ZNF66: variants seen among roughly 807,000 people sequenced by gnomAD.
The protein encoded by ZNF66 is zinc finger protein 66, also known as putative zinc finger protein 66.
A neutral mutation model predicts 35.2 loss-of-function variants in ZNF66; 32 were observed. That is an observed-to-expected ratio of 0.91 (90% CI 0.69 to 1.22). ZNF66 has a LOEUF of 1.22. Among genes scored for constraint, ZNF66 ranks in the 50% most tolerant of loss-of-function variants. The pLI is 0.00. For synonymous variants in ZNF66, 231 were observed against 181.3 expected, an observed-to-expected ratio of 1.27 and a Z score of -2.20; for missense variants, 666 against 543.1, an observed-to-expected ratio of 1.23 and a Z score of -2.25.
chr19:20,786,194 T>C lies in ZNF66; in HGVS notation c.4-6318T>C, dbSNP rs368406198. ...CCCTCTCAGGCTTCCAGTCAACTTA[T>C]ACTTGTGCAGCAAAGTGCACGCTGT... On this transcript the variant is annotated intron_variant, in intron 1 of 3. Transcript: ENST00000344519. Among the ~76,000 whole-genome samples, 14 of 151,752 alleles carry C rather than the reference T, an allele frequency of 9.2e-5. 1 individual carries two copies. The East Asian group carries it at 2.3e-3, about 25-fold the overall frequency.
At chr19:20,778,288 G>T (rs923856663) in intron 1 of ZNF66, among the ~76,000 whole-genome samples, 1 of 152,032 alleles carries the variant, frequency 6.6e-6, no homozygotes, top group Non-Finnish European at 1.5e-5. Flanking sequence ...TTTTAGTAGA[G>T]ACAGGGTTTC....
chr19:20,786,078 T>C (rs1195111456), intron 1 of ZNF66, among the ~76,000 whole-genome samples: 1 of 152,190 alleles, frequency 6.6e-6, no homozygotes, highest in African/African-American at 2.4e-5. Flanking sequence ...CAATTTTTCT[T>C]TTAATTATTG....
intron 3 of ZNF66, among the ~76,000 whole-genome samples, chr19:20,803,258 T>C (rs916948307): frequency 1.3e-5 from 2 of 151,680 alleles, no homozygotes; most frequent in Non-Finnish European, 2.9e-5. Flanking sequence ...GAAAAACTTA[T>C]TTTATTGTTT....
chr19:20,791,133 A>G (rs10404392), intron 1 of ZNF66, among the ~76,000 whole-genome samples: 14,183 of 152,238 alleles, frequency 0.093, 676 homozygotes, highest in Middle Eastern at 0.11. Context: ...TGGAGAAAAT[A>G]TAATGTTGAG....
intron 3 of ZNF66, chr19:20,799,065 C>CT (rs746296804): frequency 0.12 from 15,986 of 127,976 alleles, 1,260 homozygotes; most frequent in Non-Finnish European, 0.15. Flanking sequence ...TTCTTTCTTT[C>CT]TTTTTTTTTT....
chr19:20,804,495 T>C (rs1250735576), intron 3 of ZNF66, among the ~76,000 whole-genome samples: 1 of 152,176 alleles, frequency 6.6e-6, no homozygotes, highest in Non-Finnish European at 1.5e-5. Context: ...TCCATCCACC[T>C]TGGCCTCTCA....
In ZNF66 at chr19:20,801,917, A is replaced by ACATTT. The variant is rs550058522; in HGVS notation, c.227-3900_227-3896dup. Among the ~76,000 whole-genome samples, 304 of 127,634 alleles carry ACATTT rather than the reference A, an allele frequency of 2.4e-3. 1 individual carries two copies. Among genetic ancestry groups the ACATTT allele is most frequent in the African/African-American group, 8.5e-3 (293 of 34,342 alleles). The allele number at this position is 127,634 out of a possible 152,430, so 83.7% of individuals were successfully genotyped here. A position where few individuals can be genotyped will look rare whatever the true frequency, so the allele number is the denominator to read the frequency against. On this transcript the variant is annotated intron_variant, in intron 3 of 3. Coordinates refer to ENST00000344519, the MANE Select transcript of ZNF66 (RefSeq NM_001355197.2). ...GTCCTAAGATTACATTTCAAAGATT[A>ACATTT]CATTTCATTTCATTAAGTAGTTTAA...
At chr19:20,796,442 T>C (rs1046178580) in intron 3 of ZNF66, among the ~76,000 whole-genome samples, 2 of 152,224 alleles carry the variant, frequency 1.3e-5, no homozygotes, top group African/African-American at 4.8e-5. Context: ...TAGTTACTTA[T>C]GAATTTAAGT....
chr19:20,808,320 C>T lies in ZNF66; in HGVS notation c.*998C>T, dbSNP rs565556042. ...CAGCAGTAACCTCTGCAGACTTAAA[C>T]GTCCCTGTCTGACAGCTTTGAAGAG... is the stretch of plus-strand genomic sequence containing the variant. On this transcript the variant is annotated 3_prime_UTR_variant, in exon 4 of 4. Transcript: ENST00000344519. Among the ~76,000 whole-genome samples, 29 of 152,322 alleles carry T rather than the reference C, an allele frequency of 1.9e-4. No homozygotes were observed. The South Asian group carries it at 5.0e-3, about 26-fold the overall frequency.
intron 1 of ZNF66, among the ~76,000 whole-genome samples, chr19:20,785,525 A>G (rs1247640351): frequency 1.3e-5 from 2 of 152,172 alleles, no homozygotes; most frequent in African/African-American, 4.8e-5. Flanking sequence ...TGATTTTAGG[A>G]TGAACTATGT....
rs1164540930 is a variant in ZNF66, at chr19:20,776,305, T to G, written c.-143T>G. The G allele has an allele frequency of 7.3e-7, 1 of 1,366,388 alleles. No individual in the cohort carries two copies. Among genetic ancestry groups the G allele is most frequent in the South Asian group, 1.2e-5 (1 of 85,174 alleles). The allele number at this position is 1,366,388 out of a possible 1,614,324, so 84.6% of individuals were successfully genotyped here. On this transcript the variant is annotated 5_prime_UTR_variant, in exon 1 of 4. Transcript: ENST00000344519. Reference sequence around the variant, plus strand: ...GCTTCCGGATTTGGCGGGGTCTTTGTCTCTCCCTGCAGCTGGAGCTCCAGG... The same window carrying G: ...GCTTCCGGATTTGGCGGGGTCTTTGGCTCTCCCTGCAGCTGGAGCTCCAGG...
chr19:20,796,220 TGA>T (rs146304457), intron 3 of ZNF66, among the ~76,000 whole-genome samples: 10,311 of 151,822 alleles, frequency 0.068, 438 homozygotes, highest in Middle Eastern at 0.11. Context: ...CAGAGATGGC[TGA>T]CTTTTTTTTT....
chr19:20,784,382 TTGTC>T (rs1971269288), intron 1 of ZNF66, among the ~76,000 whole-genome samples: 1 of 152,210 alleles, frequency 6.6e-6, no homozygotes, highest in African/African-American at 2.4e-5. Flanking sequence ...CAGTAGATAT[TTGTC>T]TGACATATTT....
Position 20,807,443 on chromosome 19 carries a change from G to T in ZNF66, c.*121G>T. 2 of 543,354 alleles carry T rather than the reference G, an allele frequency of 3.7e-6. No homozygotes were observed. Among genetic ancestry groups the T allele is most frequent in the Non-Finnish European group, 3.3e-6 (1 of 307,050 alleles). 33.7% of individuals were successfully genotyped at this position (543,354 alleles called of 1,614,324 possible). ...CTTTTACTAAATATGAGAATTTATG[G>T]AACACAAACACTACAAATATAAAGA... On this transcript the variant is annotated 3_prime_UTR_variant, in exon 4 of 4. Coordinates refer to ENST00000344519, the MANE Select transcript of ZNF66 (RefSeq NM_001355197.2).
In ZNF66 at chr19:20,806,122, A is replaced by G. The variant is rs777707279; in HGVS notation, c.522A>G (p.Lys174=). 1 of 1,053,356 alleles carries G rather than the reference A, an allele frequency of 9.5e-7. No individual in the cohort carries two copies. The highest frequency in any genetic ancestry group is 1.6e-5 in the African/African-American group (1 of 63,934). The allele number at this position is 1,053,356 out of a possible 1,614,324, so 65.3% of individuals were successfully genotyped here. ...GACATACTGGAAAAAACCCTTGCAA[A>G]TTTACAGAATGTGGCAAAGCTTTTA... The part of the protein sequence containing the change: ...KIRHTGKNPC[K]FTECGKAFNR... The change falls in exon 4 of 4, where the codon AAA becomes AAG. Residue 174 remains lysine (K), a synonymous_variant. Transcript: ENST00000344519.
intron 3 of ZNF66, among the ~76,000 whole-genome samples, chr19:20,802,522 C>T (rs1971457879): frequency 6.9e-6 from 1 of 145,692 alleles, no homozygotes; most frequent in Non-Finnish European, 1.5e-5. Context: ...TTGTTTTATA[C>T]TCTAATTCCA....
chr19:20,795,466 C>G (rs1319916155), intron 3 of ZNF66, among the ~76,000 whole-genome samples: 1 of 151,216 alleles, frequency 6.6e-6, no homozygotes, highest in African/African-American at 2.4e-5. Flanking sequence ...CTCTTGGGTT[C>G]CAGTGATTCT....
intron 2 of ZNF66, among the ~76,000 whole-genome samples, chr19:20,793,332 C>CTT (rs781748526): frequency 1.8e-4 from 15 of 84,618 alleles, no homozygotes; most frequent in Middle Eastern, 8.1e-3. Context: ...CTTTTCTTTT[C>CTT]TTTTTTTTTT....
At chr19:20,799,012 C>T (rs1971421406) in intron 3 of ZNF66, 2 of 150,640 alleles carry the variant, frequency 1.3e-5, no homozygotes, top group Non-Finnish European at 3.0e-5. Flanking sequence ...TCCTGTGTTG[C>T]ATATTTTGTT....
Sources: allele counts gnomAD v4.1 joint callset (sites outside exome capture counted in the v4.1 genomes callset), GRCh38; gene constraint gnomAD v4.1.1; transcripts MANE v1.5; gene names NCBI Gene and HGNC (gene_info 2026-07-23, HGNC 2026-07-21).